The following TJP1 variants were observed in gnomAD, a reference collection of about 807,000 sequenced individuals.
TJP1 encodes the protein tight junction protein 1.
In TJP1, 43 loss-of-function variants were observed where a neutral mutation model predicts 194.2. That is an observed-to-expected ratio of 0.22 (90% CI 0.17 to 0.29). The LOEUF (loss-of-function observed/expected upper bound fraction) is 0.29, where lower values mean the gene tolerates loss of function less well. Ranked by LOEUF, TJP1 falls within the 10% of genes least tolerant of loss-of-function variation. The pLI is 1.00. For synonymous variants in TJP1, 801 were observed against 779.0 expected, an observed-to-expected ratio of 1.03 and a Z score of -0.47; for missense variants, 1,971 against 2,185.7, an observed-to-expected ratio of 0.90 and a Z score of 1.96.
chr15:29,803,972 T>C (rs1040202192), intron 1 of TJP1, among the ~76,000 whole-genome samples: 3 of 151,650 alleles, frequency 2.0e-5, no homozygotes, highest in South Asian at 2.1e-4. Context: ...GACCAGCCAC[T>C]AAACCAACTT....
chr15:29,949,403 ACAACCACCACCTCTACCT>A (rs2055460965), intron 2 of TJP1, among the ~76,000 whole-genome samples: 27 of 132,980 alleles, frequency 2.0e-4, no homozygotes, highest in Non-Finnish European at 3.3e-4. Context: ...CACCACCTCC[ACAACCACCACCTCTACCT>A]CCACAACCAC....
At position 29,847,709 on chromosome 15, in the gene TJP1, C is replaced by T. The variant is rs186508148; in HGVS notation, c.307-47007G>A. ...CTGAGGTAGGAGAATGGTGTGAACCCGGGAGGCGGAGGTTGCAGTGAGCAG... is the reference window on the plus strand; with the variant it reads ...CTGAGGTAGGAGAATGGTGTGAACCTGGGAGGCGGAGGTTGCAGTGAGCAG... On this transcript the variant is annotated intron_variant, in intron 2 of 28. Coordinates refer to the TJP1 transcript ENST00000356107. Among the ~76,000 whole-genome samples the T allele has an allele frequency of 3.3e-5, 5 of 152,120 alleles. No individual in the cohort carries two copies. In the South Asian group the frequency reaches 6.2e-4, roughly 19 times the overall value.
intron 2 of TJP1, among the ~76,000 whole-genome samples, chr15:29,920,114 T>C (rs2054308897): frequency 6.6e-6 from 1 of 152,204 alleles, no homozygotes; most frequent in Non-Finnish European, 1.5e-5. Flanking sequence ...ACTGGGGCAC[T>C]GCCAGGTAAG....
At chr15:29,876,382 G>A (rs113120172) in intron 2 of TJP1, among the ~76,000 whole-genome samples, 7,517 of 152,140 alleles carry the variant, frequency 0.049, 300 homozygotes, top group African/African-American at 0.1. Context: ...TTAGCCAGGC[G>A]TGGTGGTGCA....
At chr15:29,798,622 C>A (rs1420207049) in intron 2 of TJP1, among the ~76,000 whole-genome samples, 2 of 152,114 alleles carry the variant, frequency 1.3e-5, no homozygotes, top group Non-Finnish European at 1.5e-5. Context: ...TTGACCATTT[C>A]TTTAAAACTT....
intron 2 of TJP1, among the ~76,000 whole-genome samples, chr15:29,913,464 C>T (rs2054086566): frequency 6.6e-6 from 1 of 152,178 alleles, no homozygotes; most frequent in South Asian, 2.1e-4. Context: ...CACATTTGTA[C>T]ATACACACAT....
chr15:29,711,051 C>A, intron 23 of TJP1, 51 bp from the exon 24 acceptor site: 13 of 1,488,310 alleles, frequency 8.7e-6, no homozygotes, highest in South Asian at 2.9e-5. Flanking sequence ...CTCACATTTA[C>A]AAAACAAGTT....
At chr15:29,719,441 C>T (rs2042794257) in intron 20 of TJP1, among the ~76,000 whole-genome samples, 1 of 151,894 alleles carries the variant, frequency 6.6e-6, no homozygotes, top group Non-Finnish European at 1.5e-5. Flanking sequence ...ACTGAAAAAT[C>T]CTAAAGAAGA....
chr15:29,865,450 C>A (rs1190437151), intron 2 of TJP1, among the ~76,000 whole-genome samples: 4 of 152,084 alleles, frequency 2.6e-5, no homozygotes, highest in African/African-American at 9.7e-5. Context: ...TTTAACTTCT[C>A]CAGAGTGATT....
At chr15:29,748,948 G>A (rs2045027982) in intron 8 of TJP1, among the ~76,000 whole-genome samples, 3 of 33,678 alleles carry the variant, frequency 8.9e-5, no homozygotes, top group Admixed American at 8.7e-4. Flanking sequence ...GTGTGTGTGT[G>A]TGTGTGCGCG....
intron 24 of TJP1, 55 bp downstream of exon 24, chr15:29,710,776 G>T: frequency 6.2e-7 from 1 of 1,607,944 alleles, no homozygotes. Context: ...GAAACCACCA[G>T]AATTTTACTT....
chr15:29,835,845 CTTTT>C (rs964912867), intron 2 of TJP1, among the ~76,000 whole-genome samples: 3 of 151,872 alleles, frequency 2.0e-5, no homozygotes, highest in South Asian at 4.2e-4. Flanking sequence ...TTCATTCATT[CTTTT>C]TTTAACTATT....
chr15:29,903,913 A>T (rs785420), intron 2 of TJP1, among the ~76,000 whole-genome samples: 14,839 of 152,316 alleles, frequency 0.097, 769 homozygotes, highest in South Asian at 0.12. Context: ...TGTAGAGGGC[A>T]ACCTGAAGGC....
intron 2 of TJP1, among the ~76,000 whole-genome samples, chr15:29,955,325 A>G (rs2055895240): frequency 6.6e-6 from 1 of 152,298 alleles, no homozygotes; most frequent in African/African-American, 2.4e-5. Context: ...TGATACACCA[A>G]TTGAAATAAA....
chr15:29,705,466 T>A (rs2041833672), intron 26 of TJP1, 62 bp downstream of exon 26: 3 of 1,531,286 alleles, frequency 2.0e-6, no homozygotes, highest in Admixed American at 3.6e-5. Flanking sequence ...CTATAAGCTC[T>A]GAAGTGCACA....
At chr15:29,763,975 T>C (rs1566977403) in intron 5 of TJP1, among the ~76,000 whole-genome samples, 1 of 152,144 alleles carries the variant, frequency 6.6e-6, no homozygotes. Flanking sequence ...TAAACACTTA[T>C]AAATGACCAT....
chr15:29,807,899 T>C (rs4780260), intron 1 of TJP1, among the ~76,000 whole-genome samples: 121,164 of 152,154 alleles, frequency 0.8, 48,731 homozygotes, highest in East Asian at 0.86. Context: ...AGTTTTTATA[T>C]ATCCTACAAT....
At chr15:29,849,867 G>A (rs915682253) in intron 2 of TJP1, among the ~76,000 whole-genome samples, 12 of 151,950 alleles carry the variant, frequency 7.9e-5, no homozygotes, top group African/African-American at 1.4e-4. Context: ...GAACCACCAC[G>A]CCTGGCCATT....
At position 29,700,720 on chromosome 15, in the gene TJP1, T is replaced by TAAA; in HGVS notation, c.*874_*875insTTT. 2.3e-5 allele frequency: 3 copies of TAAA among 131,534 alleles called. No homozygotes were observed. The highest frequency in any genetic ancestry group is 1.5e-4 in the Admixed American group (1 of 6,610). The allele number at this position is 131,534 out of a possible 1,614,324, so 8.1% of individuals were successfully genotyped here. On this transcript the variant is annotated 3_prime_UTR_variant, in exon 28 of 28. Transcript: ENST00000614355. ...AACAGAAAACCACCACTGCCCCTTG[T>TAAA]CAAAAAAAAAAAAAAAGAAAAGAAA...
Sources: allele counts gnomAD v4.1 joint callset (sites outside exome capture counted in the v4.1 genomes callset), GRCh38; gene constraint gnomAD v4.1.1; transcripts MANE v1.5; gene names NCBI Gene and HGNC (gene_info 2026-07-23, HGNC 2026-07-21).